The following RPTOR variants were observed in gnomAD, a reference collection of about 807,000 sequenced individuals.
RPTOR encodes the protein regulatory associated protein of MTOR complex 1.
A neutral mutation model predicts 169.9 loss-of-function variants in RPTOR; 21 were observed. The observed-to-expected ratio is 0.12, with a 90% CI of 0.09 to 0.18. The LOEUF is 0.18. Ranked by LOEUF, RPTOR falls within the 10% of genes least tolerant of loss-of-function variation. The pLI, the probability that RPTOR is intolerant of heterozygous loss-of-function variation, is 1.00. For synonymous variants in RPTOR, 732 were observed against 753.2 expected, an observed-to-expected ratio of 0.97 and a Z score of 0.46; for missense variants, 1,133 against 1,855.9, an observed-to-expected ratio of 0.61 and a Z score of 7.16.
Position 80,964,943 on chromosome 17 carries a change from C to T in RPTOR, c.*613C>T. ...GGTGTGAAGGAAGCCGCCCAGGGGT[C>T]CGGGCTGTCCTTGGCCGCTGGCAGC... On this transcript the variant is annotated 3_prime_UTR_variant, in exon 34 of 34. Transcript: ENST00000306801. The T allele has an allele frequency of 4.3e-6, 1 of 233,646 alleles. No homozygotes were observed. The highest frequency in any genetic ancestry group is 8.4e-6 in the Non-Finnish European group (1 of 118,344). 14.5% of individuals were successfully genotyped at this position (233,646 alleles called of 1,614,324 possible).
At chr17:80,865,986 C>G (rs1178870777) in intron 13 of RPTOR, among the ~76,000 whole-genome samples, 1 of 152,086 alleles carries the variant, frequency 6.6e-6, no homozygotes, top group African/African-American at 2.4e-5. Context: ...AGGAATGTCT[C>G]TAAGCACTTA....
chr17:80,752,461 T>C (rs4969230), intron 5 of RPTOR, among the ~76,000 whole-genome samples: 56,530 of 152,180 alleles, frequency 0.37, 11,245 homozygotes, highest in East Asian at 0.56. Context: ...TTTCCAGCTC[T>C]TCTCAATTAT....
chr17:80,575,674 G>A (rs1176757628), intron 1 of RPTOR, among the ~76,000 whole-genome samples: 4 of 152,206 alleles, frequency 2.6e-5, no homozygotes, highest in East Asian at 1.9e-4. Flanking sequence ...ACTTGAACAC[G>A]ATGCGTGTCT....
At chr17:80,770,887 C>G (rs2066836340) in intron 6 of RPTOR, among the ~76,000 whole-genome samples, 1 of 152,246 alleles carries the variant, frequency 6.6e-6, no homozygotes, top group African/African-American at 2.4e-5. Flanking sequence ...GCATCTTCCC[C>G]TTAGACAGAG....
Position 80,860,096 on chromosome 17 carries a change from A to G in RPTOR, c.1509+2196A>G, listed in dbSNP as rs1411128919. On this transcript the variant is annotated intron_variant, in intron 13 of 33. Transcript: ENST00000306801. This position sits in a 1 kb window ranked among gnomAD's most constrained non-coding sequence, Gnocchi z 5.8. ...TGTGTGGCAGGTGAGGGGAGAGTGG[A>G]CGGAGCTTAAGCCCCCGGGGCTCCT... Among the ~76,000 whole-genome samples the G allele has an allele frequency of 1.3e-5, 2 of 152,194 alleles. No individual in the cohort carries two copies. Among genetic ancestry groups the G allele is most frequent in the African/African-American group, 4.8e-5 (2 of 41,438 alleles).
intron 21 of RPTOR, among the ~76,000 whole-genome samples, chr17:80,920,406 T>G (rs1020777452): frequency 1.3e-5 from 2 of 152,156 alleles, no homozygotes; most frequent in Non-Finnish European, 2.9e-5. Context: ...TCTCACGAGA[T>G]TTCCAGAAGT....
At chr17:80,877,459 C>T (rs146390402) in intron 13 of RPTOR, among the ~76,000 whole-genome samples, 1 of 152,342 alleles carries the variant, frequency 6.6e-6, no homozygotes, top group African/African-American at 2.4e-5. Context: ...AGTTGCCAGA[C>T]TCCGATACCA....
chr17:80,893,006 G>A, intron 19 of RPTOR, 137 bp downstream of exon 19: 1 of 1,074,044 alleles, frequency 9.3e-7, no homozygotes, highest in Non-Finnish European at 1.3e-6. Flanking sequence ...CTGCCAACAT[G>A]GTGATGAGTC....
intron 1 of RPTOR, among the ~76,000 whole-genome samples, chr17:80,621,397 C>G (rs2065353073): frequency 6.6e-6 from 1 of 152,220 alleles, no homozygotes; most frequent in Admixed American, 6.5e-5. Flanking sequence ...TATGACTTGT[C>G]TAAAATGACA....
intron 11 of RPTOR, among the ~76,000 whole-genome samples, chr17:80,850,306 C>G (rs1462564080): frequency 2.0e-5 from 3 of 152,210 alleles, no homozygotes; most frequent in African/African-American, 7.2e-5. Flanking sequence ...TGAGAACATG[C>G]AACAGTTGGT....
chr17:80,838,013 G>A lies in RPTOR; in HGVS notation c.1212+16G>A. ...TGCGTTTCGGGTGAGTCCCTCCAAG[G>A]GCACCCTGTGCATCCGCGGCGGCAG... On this transcript the variant is annotated intron_variant, in intron 10 of 33. Coordinates refer to ENST00000306801, the MANE Select transcript of RPTOR (RefSeq NM_020761.3). 1.2e-6 allele frequency: 2 copies of A among 1,601,292 alleles called. No homozygotes were observed. The highest frequency in any genetic ancestry group is 1.7e-6 in the Non-Finnish European group (2 of 1,173,322).
Position 80,708,074 on chromosome 17 carries a change from C to A in RPTOR, c.507+75C>A. The A allele has an allele frequency of 2.1e-6, 3 of 1,417,426 alleles. No homozygotes were observed. The highest frequency in any genetic ancestry group is 2.9e-6 in the Non-Finnish European group (3 of 1,036,420). The allele number at this position is 1,417,426 out of a possible 1,614,324, so 87.8% of individuals were successfully genotyped here. ...ATTGCGGTGGTCGGAGCAGGTCCTG[C>A]CCATCCGTAGCTTCTGTTAAGCCAT... On this transcript the variant is annotated intron_variant, in intron 4 of 33. Coordinates refer to ENST00000306801, the MANE Select transcript of RPTOR (RefSeq NM_020761.3). This position sits in a 1 kb window ranked among gnomAD's most constrained non-coding sequence, Gnocchi z 4.2.
intron 7 of RPTOR, among the ~76,000 whole-genome samples, chr17:80,791,979 G>C (rs1027366213): frequency 2.0e-5 from 3 of 152,116 alleles, no homozygotes; most frequent in African/African-American, 7.2e-5. Context: ...GAGCGATGAA[G>C]TGACGGGATT....
At chr17:80,833,462 C>T (rs941152697) in intron 9 of RPTOR, among the ~76,000 whole-genome samples, 1 of 152,174 alleles carries the variant, frequency 6.6e-6, no homozygotes, top group Non-Finnish European at 1.5e-5. Context: ...CTTCCCGGTC[C>T]CCTCCCACCT....
At position 80,846,649 on chromosome 17, in the gene RPTOR, G is replaced by A; in HGVS notation, c.1314+75G>A. 10 of 1,251,938 alleles carry A rather than the reference G, an allele frequency of 8.0e-6. No individual in the cohort carries two copies. The Admixed American group carries it at 1.6e-4, about 20-fold the overall frequency. 77.6% of individuals were successfully genotyped at this position (1,251,938 alleles called of 1,614,324 possible). ...GCCAGATGCCTGTACAGCCCCGGGA[G>A]TGCCTTCTCTCTCCCTGAGCCCTGT... On this transcript the variant is annotated intron_variant, in intron 11 of 33. Coordinates refer to ENST00000306801, the MANE Select transcript of RPTOR (RefSeq NM_020761.3).
At chr17:80,629,955 A>G (rs748691853) in intron 2 of RPTOR, among the ~76,000 whole-genome samples, 4 of 152,202 alleles carry the variant, frequency 2.6e-5, no homozygotes, top group Non-Finnish European at 4.4e-5. Context: ...TGTCACAATG[A>G]GCTTTTGTTA....
chr17:80,889,178 G>A (rs1434775719), intron 17 of RPTOR, among the ~76,000 whole-genome samples: 1 of 152,210 alleles, frequency 6.6e-6, no homozygotes, highest in Non-Finnish European at 1.5e-5. Flanking sequence ...AGGTGGAGAG[G>A]GTACGAGAAA....
At chr17:80,567,327 T>C (rs2064854661) in intron 1 of RPTOR, among the ~76,000 whole-genome samples, 1 of 151,936 alleles carries the variant, frequency 6.6e-6, no homozygotes, top group Non-Finnish European at 1.5e-5. Context: ...AGATTTTCAA[T>C]ATTACATCTT....
At chr17:80,597,550 G>T (rs1234812616) in intron 1 of RPTOR, among the ~76,000 whole-genome samples, 1 of 152,080 alleles carries the variant, frequency 6.6e-6, no homozygotes, top group Non-Finnish European at 1.5e-5. Context: ...TTGTTTTTGA[G>T]ACAGGGTCTT....
Sources: allele counts gnomAD v4.1 joint callset (sites outside exome capture counted in the v4.1 genomes callset), GRCh38; gene constraint gnomAD v4.1.1; non-coding constraint Gnocchi (gnomAD v3.1); transcripts MANE v1.5; gene names NCBI Gene and HGNC (gene_info 2026-07-23, HGNC 2026-07-21).